Variants in SLC4A4 observed in about 807,000 individuals in gnomAD.
SLC4A4 encodes the protein electrogenic sodium bicarbonate cotransporter 1.
A neutral mutation model predicts 111.5 loss-of-function variants in SLC4A4; 27 were observed. That is an observed-to-expected ratio of 0.24 (90% CI 0.18 to 0.33). The LOEUF is 0.33. Ranked by LOEUF, SLC4A4 falls within the 10% of genes least tolerant of loss-of-function variation. SLC4A4 has a pLI of 1.00. For missense variants in SLC4A4, 909 were observed against 1,315.5 expected (o/e 0.69, Z 4.78); for synonymous variants, 443 against 463.4 (o/e 0.96, Z 0.57).
At chr4:71,121,314 G>A (rs1308322615) in intron 2 of SLC4A4, among the ~76,000 whole-genome samples, 1 of 152,162 alleles carries the variant, frequency 6.6e-6, no homozygotes, top group Non-Finnish European at 1.5e-5. Context: ...ACTGCCCAAG[G>A]GCTGAGGCGT....
intron 6 of SLC4A4, among the ~76,000 whole-genome samples, chr4:71,394,970 A>G (rs527745422): frequency 4.6e-5 from 7 of 152,294 alleles, no homozygotes; most frequent in Middle Eastern, 3.4e-3. Flanking sequence ...AATATGGTGC[A>G]GTATATATTG....
chr4:71,555,091 C>CT, intron 20 of SLC4A4, 49 bp from the exon 21 acceptor site: 9 of 1,301,858 alleles, frequency 6.9e-6, no homozygotes, highest in Non-Finnish European at 8.9e-6. Context: ...CTTCATTCCT[C>CT]TTTTTTCTTG....
At chr4:71,087,710 C>T (rs1388865418) in intron 1 of SLC4A4, among the ~76,000 whole-genome samples, 6 of 151,990 alleles carry the variant, frequency 3.9e-5, no homozygotes, top group African/African-American at 9.7e-5. Context: ...TGTAGTTGAG[C>T]GGTTTTGAGC....
intron 2 of SLC4A4, among the ~76,000 whole-genome samples, chr4:71,172,259 CT>C (rs745577250): frequency 3.4e-3 from 487 of 143,236 alleles, no homozygotes; most frequent in Admixed American, 4.9e-3. Flanking sequence ...CTTTTTCTTT[CT>C]TTTTTTTTTT....
At chr4:71,091,874 T>C (rs1742401114) in intron 1 of SLC4A4, among the ~76,000 whole-genome samples, 1 of 152,204 alleles carries the variant, frequency 6.6e-6, no homozygotes, top group Non-Finnish European at 1.5e-5. Flanking sequence ...TTTTAAAAAC[T>C]GCGTTTGTTC....
intron 10 of SLC4A4, 74 bp from the exon 11 acceptor site, chr4:71,451,114 C>A: frequency 2.0e-6 from 2 of 976,368 alleles, no homozygotes; most frequent in Non-Finnish European, 3.3e-6. Flanking sequence ...CCCCATTAGC[C>A]AGAGCATGAT....
rs1732491625 is a variant in SLC4A4 at position 71,377,210 on chromosome 4, T to A, written c.730+20023T>A. Among the ~76,000 whole-genome samples the A allele has an allele frequency of 2.0e-5, 3 of 152,244 alleles. No homozygotes were observed. In the South Asian group the frequency reaches 6.2e-4, roughly 32 times the overall value. ...GGTGTTCTGAGACCAAAAAGTTTGA[T>A]AACTGCTACTTCTTTGTGTCTGGCA... On this transcript the variant is annotated intron_variant, in intron 6 of 25. Coordinates refer to ENST00000264485, the MANE Select transcript of SLC4A4 (RefSeq NM_001098484.3).
In SLC4A4 at chr4:71,139,074, A is replaced by G. The variant is rs141107748; in HGVS notation, c.-2+46282A>G. Among the ~76,000 whole-genome samples, 512 of 151,460 alleles carry G rather than the reference A, an allele frequency of 3.4e-3. 2 individuals carry two copies. The highest frequency in any genetic ancestry group is 0.012 in the African/African-American group (490 of 41,166). ...AAAAAAAAAAAGAATCAGTGAGTCA[A>G]TAATGCAATAATGGATCCTTCTTTC... On this transcript the variant is annotated intron_variant, in intron 2 of 26. Coordinates refer to the SLC4A4 transcript ENST00000649996.
chr4:71,138,094 A>G (rs188378723), intron 2 of SLC4A4, among the ~76,000 whole-genome samples: 1 of 152,342 alleles, frequency 6.6e-6, no homozygotes, highest in African/African-American at 2.4e-5. Context: ...GATAGATTTC[A>G]TGCAATATGT....
intron 4 of SLC4A4, among the ~76,000 whole-genome samples, chr4:71,345,021 C>T (rs1245252420): frequency 6.6e-6 from 1 of 152,148 alleles, no homozygotes; most frequent in African/African-American, 2.4e-5. Context: ...AAGTAACTCT[C>T]AACTCTATCA....
chr4:71,348,343 AC>A (rs1486343433), intron 4 of SLC4A4, among the ~76,000 whole-genome samples: 1 of 151,786 alleles, frequency 6.6e-6, no homozygotes, highest in Admixed American at 6.6e-5. Context: ...ACACACACAC[AC>A]ACACACACAC....
At chr4:71,129,087 G>A (rs1743631637) in intron 2 of SLC4A4, among the ~76,000 whole-genome samples, 1 of 152,076 alleles carries the variant, frequency 6.6e-6, no homozygotes, top group African/African-American at 2.4e-5. Flanking sequence ...CCAAAAGCAA[G>A]TGCAACAAAA....
chr4:71,365,030 A>G (rs1282349061), intron 6 of SLC4A4, among the ~76,000 whole-genome samples: 1 of 152,160 alleles, frequency 6.6e-6, no homozygotes, highest in Non-Finnish European at 1.5e-5. Flanking sequence ...TTAAATTTAG[A>G]GTATAAAGAT....
rs1737114899 is a variant in SLC4A4, at chr4:71,562,814, A to G, written c.3100-979A>G. 2.0e-5 allele frequency among the ~76,000 whole-genome samples: 3 copies of G among 151,546 alleles called. No homozygotes were observed. In the South Asian group the frequency reaches 6.3e-4, roughly 32 times the overall value. ...TTTTTCTTTTTTGCTCGTTGAATGCATTATCTTAGTTCTCTAAAAGGATAC... is the reference window on the plus strand; with the variant it reads ...TTTTTCTTTTTTGCTCGTTGAATGCGTTATCTTAGTTCTCTAAAAGGATAC... On this transcript the variant is annotated intron_variant, in intron 23 of 25. Coordinates refer to ENST00000264485, the MANE Select transcript of SLC4A4 (RefSeq NM_001098484.3).
At chr4:71,066,754 G>C (rs915943863) in intron 1 of SLC4A4, among the ~76,000 whole-genome samples, 1 of 152,174 alleles carries the variant, frequency 6.6e-6, no homozygotes, top group African/African-American at 2.4e-5. Context: ...CCCTACTGAA[G>C]AAACTATTGC....
intron 1 of SLC4A4, among the ~76,000 whole-genome samples, chr4:71,215,739 T>A (rs1030518855): frequency 2.6e-5 from 4 of 152,218 alleles, no homozygotes; most frequent in Non-Finnish European, 5.9e-5. Context: ...GCTGCCGTGA[T>A]GATCACAAGT....
intron 7 of SLC4A4, among the ~76,000 whole-genome samples, chr4:71,405,682 T>G (rs906104236): frequency 6.6e-6 from 1 of 152,206 alleles, no homozygotes; most frequent in African/African-American, 2.4e-5. Context: ...TTAAACACTT[T>G]ATTGAATCCG....
At chr4:71,123,360 C>T (rs1218560391) in intron 2 of SLC4A4, among the ~76,000 whole-genome samples, 1 of 152,096 alleles carries the variant, frequency 6.6e-6, no homozygotes, top group Non-Finnish European at 1.5e-5. Flanking sequence ...ATGTAGATTG[C>T]TTTCAATGAA....
chr4:71,438,096 A>G (rs1724334161), intron 7 of SLC4A4, among the ~76,000 whole-genome samples: 1 of 152,142 alleles, frequency 6.6e-6, no homozygotes, highest in Non-Finnish European at 1.5e-5. Context: ...TTAATATGTT[A>G]TTTTTAGTTT....
Sources: allele counts gnomAD v4.1 joint callset (sites outside exome capture counted in the v4.1 genomes callset), GRCh38; gene constraint gnomAD v4.1.1; transcripts MANE v1.5; gene names NCBI Gene and HGNC (gene_info 2026-07-23, HGNC 2026-07-21).